Variants in STPG1 observed in about 807,000 individuals in gnomAD.
STPG1 encodes sperm tail PG-rich repeat containing 1, also known as O(6)-methylguanine-induced apoptosis 2.
In STPG1, 33 loss-of-function variants were observed where a neutral mutation model predicts 40.1. The observed-to-expected ratio is 0.82, with a 90% CI of 0.62 to 1.10. STPG1 has a LOEUF of 1.10. Ranked by LOEUF, STPG1 falls within the 50% of genes least tolerant of loss-of-function variation. The probability of loss-of-function intolerance (pLI) is 0.00; values close to 1 mark genes in which losing one functional copy is unlikely to be tolerated. For missense variants in STPG1, 396 were observed against 415.1 expected (o/e 0.95, Z 0.40); for synonymous variants, 150 against 155.0 (o/e 0.97, Z 0.24).
At chr1:24,365,488 A>G (rs1337731790) in intron 7 of STPG1, among the ~76,000 whole-genome samples, 1 of 152,214 alleles carries the variant, frequency 6.6e-6, no homozygotes. Flanking sequence ...GCTTCTGAAG[A>G]CACCCTGGAA....
intron 3 of STPG1, among the ~76,000 whole-genome samples, chr1:24,386,745 T>C (rs1171195212): frequency 6.6e-6 from 1 of 152,220 alleles, no homozygotes; most frequent in Non-Finnish European, 1.5e-5. Context: ...GAATTTAGCC[T>C]CTCAGAGCAA....
rs1557711293 is a variant in STPG1, at chr1:24,358,037, G to C, written c.*506C>G. 2.8e-6 allele frequency: 1 copy of C among 360,030 alleles called. No individual in the cohort carries two copies. The highest frequency in any genetic ancestry group is 5.5e-6 in the Non-Finnish European group (1 of 180,782). 22.3% of individuals were successfully genotyped at this position (360,030 alleles called of 1,614,324 possible). ...CATCACCTGCCTGCAGGTAGCTTTC[G>C]CCCAGTAGACATACCGTAAGTGAGT... On this transcript the variant is annotated 3_prime_UTR_variant, in exon 9 of 9. Transcript: ENST00000337248.
chr1:24,368,414 T>TG (rs937989367), intron 7 of STPG1, among the ~76,000 whole-genome samples: 93 of 152,262 alleles, frequency 6.1e-4, no homozygotes, highest in African/African-American at 2.0e-3. Context: ...GATATATTGT[T>TG]GGTCCCACCT....
rs201774587 is a variant in STPG1 at position 24,369,685 on chromosome 1, C to T, written c.726G>A (p.Lys242=). 117 of 1,591,138 alleles carry T rather than the reference C, an allele frequency of 7.4e-5. No individual in the cohort carries two copies. In the East Asian group the frequency reaches 2.5e-3, roughly 34 times the overall value. ...TGATTGGGACTCACGGGAAAAGAGTCTTTTTTGGAACTTTTGTGCAATCAC... is the reference window on the plus strand; with the variant it reads ...TGATTGGGACTCACGGGAAAAGAGTTTTTTTTGGAACTTTTGTGCAATCAC... ...NPSDCTKVPK[K]TLFPKNPILN... Residue 242 remains lysine (K), a synonymous_variant, in exon 7 of 9, where the codon AAG becomes AAA. Transcript: ENST00000337248.
At chr1:24,376,752 A>T (rs1332132047) in intron 5 of STPG1, among the ~76,000 whole-genome samples, 1 of 152,178 alleles carries the variant, frequency 6.6e-6, no homozygotes, top group East Asian at 1.9e-4. Context: ...CCGCACAGAC[A>T]GTCGGTGCCT....
At chr1:24,407,888 T>C (rs1023019227) in intron 1 of STPG1, among the ~76,000 whole-genome samples, 1 of 152,222 alleles carries the variant, frequency 6.6e-6, no homozygotes, top group African/African-American at 2.4e-5. Context: ...TTCCTTTACA[T>C]CCTTAGGAAT....
At chr1:24,412,395 T>C (rs1022625171) in intron 1 of STPG1, among the ~76,000 whole-genome samples, 1 of 152,200 alleles carries the variant, frequency 6.6e-6, no homozygotes, top group Non-Finnish European at 1.5e-5. Context: ...GACCACCCTC[T>C]CTTAAGAAGC....
chr1:24,384,397 A>C (rs1288046172), intron 3 of STPG1, among the ~76,000 whole-genome samples: 2 of 152,190 alleles, frequency 1.3e-5, no homozygotes, highest in Non-Finnish European at 2.9e-5. Flanking sequence ...GAGCGATTTC[A>C]TGTTCACCCC....
chr1:24,403,884 G>A (rs899582266), intron 1 of STPG1, among the ~76,000 whole-genome samples: 1 of 151,786 alleles, frequency 6.6e-6, no homozygotes, highest in Non-Finnish European at 1.5e-5. Flanking sequence ...TAATCATGTT[G>A]TATGTGAATA....
rs954067771 is a variant in STPG1, at chr1:24,401,231, A to G, written c.70+88T>C. Reference sequence around the variant, plus strand: ...AAGGATGGCCCTGTGGATATAACCCAGGACTTACTATTCCCCCCAAATTTG... The same window carrying G: ...AAGGATGGCCCTGTGGATATAACCCGGGACTTACTATTCCCCCCAAATTTG... On this transcript the variant is annotated intron_variant, in intron 2 of 8. Coordinates refer to ENST00000337248, the MANE Select transcript of STPG1 (RefSeq NM_001199013.2). 2 of 1,176,106 alleles carry G rather than the reference A, an allele frequency of 1.7e-6. 1 individual carries two copies. The highest frequency in any genetic ancestry group is 3.5e-5 in the Admixed American group (2 of 57,254). 72.9% of individuals were successfully genotyped at this position (1,176,106 alleles called of 1,614,324 possible). A position where few individuals can be genotyped will look rare whatever the true frequency, so the allele number is the denominator to read the frequency against.
chr1:24,357,052 C>T lies in STPG1; in HGVS notation c.*1491G>A, dbSNP rs1262142945. On this transcript the variant is annotated 3_prime_UTR_variant, in exon 9 of 9. Transcript: ENST00000337248. ...CAATATTTTTAAAATTAAGGCCCCCCCCCCCAAAAAAAAAATCCATGGTGA... is the reference window on the plus strand; with the variant it reads ...CAATATTTTTAAAATTAAGGCCCCCTCCCCCAAAAAAAAAATCCATGGTGA... 7.8e-6 allele frequency: 1 copy of T among 128,216 alleles called. No individual in the cohort carries two copies. The highest frequency in any genetic ancestry group is 7.4e-5 in the Admixed American group (1 of 13,594). The allele number at this position is 128,216 out of a possible 1,614,324, so 7.9% of individuals were successfully genotyped here. A position where few individuals can be genotyped will look rare whatever the true frequency, so the allele number is the denominator to read the frequency against.
chr1:24,389,780 GCC>G (rs1183349196), intron 3 of STPG1, among the ~76,000 whole-genome samples: 3 of 152,184 alleles, frequency 2.0e-5, no homozygotes, highest in Non-Finnish European at 4.4e-5. Flanking sequence ...ATGGGAAAGA[GCC>G]AAACAGTTAA....
chr1:24,411,107 G>A (rs562629681), intron 1 of STPG1, among the ~76,000 whole-genome samples: 5 of 152,220 alleles, frequency 3.3e-5, no homozygotes, highest in South Asian at 2.1e-4. Context: ...TTTAATATAC[G>A]CACAGGGATA....
At chr1:24,407,443 ATTTT>A (rs71029547) in intron 1 of STPG1, among the ~76,000 whole-genome samples, 5 of 130,946 alleles carry the variant, frequency 3.8e-5, no homozygotes, top group Admixed American at 7.7e-5. Flanking sequence ...AAGTTCACTG[ATTTT>A]TTTTTTTTTT....
intron 1 of STPG1, among the ~76,000 whole-genome samples, chr1:24,409,432 C>T (rs1643529879): frequency 6.6e-6 from 1 of 152,194 alleles, no homozygotes; most frequent in South Asian, 2.1e-4. Flanking sequence ...GAACCATCTA[C>T]TGCCCTAGCT....
At chr1:24,362,281 G>A (rs1032066342) in intron 7 of STPG1, among the ~76,000 whole-genome samples, 9 of 152,208 alleles carry the variant, frequency 5.9e-5, no homozygotes, top group African/African-American at 1.4e-4. Flanking sequence ...GTTGGTGTCC[G>A]GAGAGACAAA....
chr1:24,410,709 A>C (rs1048289997), intron 1 of STPG1: 1 of 152,408 alleles, frequency 6.6e-6, no homozygotes, highest in Non-Finnish European at 1.5e-5. Flanking sequence ...ATACCTGTGA[A>C]GGCAGGATGA....
chr1:24,381,254 A>G (rs775673085), intron 4 of STPG1, among the ~76,000 whole-genome samples: 4 of 152,204 alleles, frequency 2.6e-5, no homozygotes, highest in Non-Finnish European at 2.9e-5. Context: ...GGTTTAGAAC[A>G]CCTACAACTT....
chr1:24,358,091 C>T lies in STPG1; in HGVS notation c.*452G>A. The T allele has an allele frequency of 2.5e-6, 1 of 399,694 alleles. No homozygotes were observed. Among genetic ancestry groups the T allele is most frequent in the East Asian group, 7.2e-5 (1 of 13,900 alleles). 24.8% of individuals were successfully genotyped at this position (399,694 alleles called of 1,614,324 possible). On this transcript the variant is annotated 3_prime_UTR_variant, in exon 9 of 9. Transcript: ENST00000337248. The stretch of plus-strand genomic sequence containing the variant: ...GTCAGAAAGGGACAAATGAGAAAGG[C>T]AGGAGTGAGGGAATGAATGAATGTG...
Sources: allele counts gnomAD v4.1 joint callset (sites outside exome capture counted in the v4.1 genomes callset), GRCh38; gene constraint gnomAD v4.1.1; transcripts MANE v1.5; gene names NCBI Gene and HGNC (gene_info 2026-07-23, HGNC 2026-07-21).